The following KIAA1614 variants were observed in gnomAD, a reference collection of about 807,000 sequenced individuals.
The protein encoded by KIAA1614 is KIAA1614, also known as uncharacterized protein KIAA1614.
KIAA1614 carries 76 observed loss-of-function variants against 88.7 expected under a neutral mutation model. The observed-to-expected ratio is 0.86, with a 90% CI of 0.71 to 1.04. The LOEUF (loss-of-function observed/expected upper bound fraction) is 1.04, where lower values mean the gene tolerates loss of function less well. Among genes scored for constraint, KIAA1614 ranks in the 50% least tolerant of loss-of-function variants. The pLI is 0.00. For missense variants in KIAA1614, 1,553 were observed against 1,582.5 expected (o/e 0.98, Z 0.32); for synonymous variants, 714 against 675.5 (o/e 1.06, Z -0.88).
rs1371866539 is a variant in KIAA1614 at position 180,916,195 on chromosome 1, G to A, written c.92G>A (p.Gly31Glu). 1 of 1,598,764 alleles carries A rather than the reference G, an allele frequency of 6.3e-7. No individual in the cohort carries two copies. The highest frequency in any genetic ancestry group is 2.2e-5 in the East Asian group (1 of 44,762). ...TGSGTASPVE[G>E]TSAVEWSGPE... ...AGTGGAACAGCCAGCCCCGTGGAGG[G>A]GACCTCAGCTGTGGAGTGGAGTGGT... The change falls in exon 2 of 9, where the codon GGG becomes GAG. Residue 31 changes from glycine to glutamate, a missense_variant. Coordinates refer to ENST00000367588, the MANE Select transcript of KIAA1614 (RefSeq NM_020950.2).
chr1:180,927,279 C>T (rs564210752), intron 3 of KIAA1614, among the ~76,000 whole-genome samples: 110 of 152,238 alleles, frequency 7.2e-4, no homozygotes, highest in African/African-American at 2.3e-3. Flanking sequence ...GCATATGTGA[C>T]GGCGAGGACA....
At position 180,913,032 on chromosome 1, in the gene KIAA1614, A is replaced by G. The variant is rs867436324; in HGVS notation, c.-212A>G. On this transcript the variant is annotated 5_prime_UTR_variant, in exon 1 of 9. Coordinates refer to ENST00000367588, the MANE Select transcript of KIAA1614 (RefSeq NM_020950.2). The stretch of plus-strand genomic sequence containing the variant: ...CGGCCCGTGGGGCGCTGCGCCGGCC[A>G]GACCCACCCGGGGCCCGGGGGCTGC... 141 of 268,618 alleles carry G rather than the reference A, an allele frequency of 5.2e-4. 1 individual carries two copies. The Middle Eastern group carries it at 7.7e-3, about 15-fold the overall frequency. The allele number at this position is 268,618 out of a possible 1,614,324, so 16.6% of individuals were successfully genotyped here. A position where few individuals can be genotyped will look rare whatever the true frequency, so the allele number is the denominator to read the frequency against.
rs1654702781 is a variant in KIAA1614, at chr1:180,950,272, T to C, written c.*4684T>C. 4 of 1,069,628 alleles carry C rather than the reference T, an allele frequency of 3.7e-6. No individual in the cohort carries two copies. Among genetic ancestry groups the C allele is most frequent in the Non-Finnish European group, 4.7e-6 (4 of 851,682 alleles). 66.3% of individuals were successfully genotyped at this position (1,069,628 alleles called of 1,614,324 possible). A position where few individuals can be genotyped will look rare whatever the true frequency, so the allele number is the denominator to read the frequency against. On this transcript the variant is annotated 3_prime_UTR_variant, in exon 9 of 9. Coordinates refer to ENST00000367588, the MANE Select transcript of KIAA1614 (RefSeq NM_020950.2). ...CACAAACAGCACCTCATCAACATGG[T>C]CAGCATTCCAGAGATGCACTTCTTC...
At chr1:180,942,551 C>T (rs1368288924) in intron 7 of KIAA1614, among the ~76,000 whole-genome samples, 6 of 152,214 alleles carry the variant, frequency 3.9e-5, no homozygotes, top group African/African-American at 1.4e-4. Flanking sequence ...GGCCAGTGCT[C>T]AACAAATATT....
rs376376187 is a variant in KIAA1614, at chr1:180,917,882, G to A, written c.1029G>A (p.Ser343=). 1.1e-4 allele frequency: 184 copies of A among 1,613,762 alleles called. No homozygotes were observed. The highest frequency in any genetic ancestry group is 9.1e-4 in the African/African-American group (68 of 74,856). ...CAGTGGGGGATGTGGACTGGGCCTCGGGCACCTCCTTGCAGGACTCCGGCC... is the reference window on the plus strand; with the variant it reads ...CAGTGGGGGATGTGGACTGGGCCTCAGGCACCTCCTTGCAGGACTCCGGCC... ...ERPVGDVDWA[S]GTSLQDSGQN... is the part of the protein sequence containing the mutation. The change falls in exon 3 of 9, where the codon TCG becomes TCA. Residue 343 remains serine (S), a synonymous_variant. Coordinates refer to ENST00000367588, the MANE Select transcript of KIAA1614 (RefSeq NM_020950.2).
chr1:180,938,833 C>A, intron 6 of KIAA1614, 122 bp downstream of exon 6: 1 of 864,514 alleles, frequency 1.2e-6, no homozygotes, highest in Non-Finnish European at 1.8e-6. Flanking sequence ...TTCAGAGGAT[C>A]CCTAGACTGT....
Position 180,947,459 on chromosome 1 carries a change from T to TGGGGAGA in KIAA1614, c.*1884_*1890dup, listed in dbSNP as rs58460157. Reference sequence around the variant, plus strand: ...CCTGGACTGGGAACGGCTGTGGAGATGGGGAGAGGGGAGAGGGGACAGGGG... The same window carrying TGGGGAGA: ...CCTGGACTGGGAACGGCTGTGGAGATGGGGAGAGGGGAGAGGGGAGAGGGGACAGGGG... On this transcript the variant is annotated 3_prime_UTR_variant, in exon 9 of 9. Coordinates refer to ENST00000367588, the MANE Select transcript of KIAA1614 (RefSeq NM_020950.2). 13,185 of 151,894 alleles carry TGGGGAGA rather than the reference T, an allele frequency of 0.087. 752 individuals carry two copies. Among genetic ancestry groups the TGGGGAGA allele is most frequent in the African/African-American group, 0.15 (6,376 of 41,308 alleles). The allele number at this position is 151,894 out of a possible 1,614,324, so 9.4% of individuals were successfully genotyped here.
Position 180,916,990 on chromosome 1 carries a change from G to C in KIAA1614, c.887G>C (p.Arg296Pro). ...AGSSVLSLSDRVERNRLLLQE... is the reference protein window; with the variant it reads ...AGSSVLSLSDPVERNRLLLQE... ...AGCAGTGTCTTGTCCCTGTCTGATCGGGTGGAGAGAAACCGCCTGTTGCTG... is the reference window on the plus strand; with the variant it reads ...AGCAGTGTCTTGTCCCTGTCTGATCCGGTGGAGAGAAACCGCCTGTTGCTG... The change falls in exon 2 of 9, where the codon CGG becomes CCG. Residue 296 changes from arginine to proline, a missense_variant. By Grantham distance (103) the Arg-to-Pro change is moderately radical (BLOSUM62 -2). Coordinates refer to ENST00000367588, the MANE Select transcript of KIAA1614 (RefSeq NM_020950.2). 6.2e-7 allele frequency: 1 copy of C among 1,614,088 alleles called. No individual in the cohort carries two copies. Among genetic ancestry groups the C allele is most frequent in the Non-Finnish European group, 8.5e-7 (1 of 1,180,028 alleles).
rs547559859 is a variant in KIAA1614 at position 180,937,854 on chromosome 1, G to A, written c.2762-701G>A. Among the ~76,000 whole-genome samples, 11 of 152,288 alleles carry A rather than the reference G, an allele frequency of 7.2e-5. No homozygotes were observed. The East Asian group carries it at 2.1e-3, about 29-fold the overall frequency. On this transcript the variant is annotated intron_variant, in intron 5 of 8. Transcript: ENST00000367588. ...CTGGTGGGCTCTAGGCAGGCTGTGG[G>A]CTTGCCCCTAACCACTTCCTGCAGG... is the stretch of plus-strand genomic sequence containing the variant.
chr1:180,941,234 G>T lies in KIAA1614; in HGVS notation c.3108G>T (p.Pro1036=). ...SYSVEQLQPA[P]PGLTSQSRAP... is the part of the protein sequence containing the mutation. Reference sequence around the variant, plus strand: ...GTGTGGAGCAGTTGCAGCCCGCCCCGCCTGGCCTGACGTCACAGTCCAGGG... The same window carrying T: ...GTGTGGAGCAGTTGCAGCCCGCCCCTCCTGGCCTGACGTCACAGTCCAGGG... The change falls in exon 7 of 9, where the codon CCG becomes CCT. Residue 1036 remains proline (P), a synonymous_variant. Coordinates refer to ENST00000367588, the MANE Select transcript of KIAA1614 (RefSeq NM_020950.2). 1 of 1,613,584 alleles carries T rather than the reference G, an allele frequency of 6.2e-7. No homozygotes were observed. Among genetic ancestry groups the T allele is most frequent in the Non-Finnish European group, 8.5e-7 (1 of 1,179,944 alleles).
rs1654694724 is a variant in KIAA1614 at position 180,949,982 on chromosome 1, A to ACAGCTGCATGCT, written c.*4394_*4395insCAGCTGCATGCT. The ACAGCTGCATGCT allele has an allele frequency of 6.6e-6, 1 of 152,328 alleles. No individual in the cohort carries two copies. Among genetic ancestry groups the ACAGCTGCATGCT allele is most frequent in the Non-Finnish European group, 1.5e-5 (1 of 68,130 alleles). 9.4% of individuals were successfully genotyped at this position (152,328 alleles called of 1,614,324 possible). ...ATTTTTAAAAACTATTTTCCTCCCA[A>ACAGCTGCATGCT]TTCTACAAGAAAAGCTCATCTCAGA... On this transcript the variant is annotated 3_prime_UTR_variant, in exon 9 of 9. Transcript: ENST00000367588.
intron 3 of KIAA1614, among the ~76,000 whole-genome samples, chr1:180,920,872 A>AGAAGGCTCAGTT (rs1653938542): frequency 6.6e-6 from 1 of 152,212 alleles, no homozygotes; most frequent in Non-Finnish European, 1.5e-5. Flanking sequence ...GAGGGGCAAG[A>AGAAGGCTCAGTT]GAAGGCTCAG....
At chr1:180,940,298 C>T (rs1215578737) in intron 6 of KIAA1614, among the ~76,000 whole-genome samples, 2 of 152,164 alleles carry the variant, frequency 1.3e-5, no homozygotes, top group East Asian at 1.9e-4. Flanking sequence ...GTCAGGAGTT[C>T]GAGACCAGCC....
intron 3 of KIAA1614, among the ~76,000 whole-genome samples, chr1:180,922,086 G>A (rs1008610419): frequency 7.9e-5 from 12 of 152,230 alleles, no homozygotes; most frequent in Non-Finnish European, 7.3e-5. Flanking sequence ...CGAGGCCCTC[G>A]GCCTCCTCGG....
chr1:180,941,627 A>G (rs1654467653), intron 7 of KIAA1614, among the ~76,000 whole-genome samples: 1 of 152,202 alleles, frequency 6.6e-6, no homozygotes, highest in African/African-American at 2.4e-5. Flanking sequence ...CTCTGAGCCC[A>G]GGCACAGATC....
rs767316889 is a variant in KIAA1614, at chr1:180,941,187, C to A, written c.3061C>A (p.Leu1021Met). 7 of 1,613,888 alleles carry A rather than the reference C, an allele frequency of 4.3e-6. No homozygotes were observed. In the South Asian group the frequency reaches 7.7e-5, roughly 18 times the overall value. Residue 1021 changes from leucine to methionine, a missense_variant, in exon 7 of 9, where the codon CTG becomes ATG. Leu to Met is a conservative substitution (Grantham distance 15). Transcript: ENST00000367588. ...SALGQSSRPK[L>M]GKSRSYSVEQ... ...CCTGGGCCAGAGTTCCCGGCCCAAG[C>A]TGGGCAAGTCCCGCAGCTACAGTGT...
intron 3 of KIAA1614, among the ~76,000 whole-genome samples, chr1:180,926,268 G>C (rs1654065406): frequency 6.6e-6 from 1 of 152,054 alleles, no homozygotes; most frequent in African/African-American, 2.4e-5. Context: ...CTCAGAGAAA[G>C]ACCACCTTCC....
In KIAA1614 at chr1:180,935,052, G is replaced by A; in HGVS notation, c.1206-63G>A. The A allele has an allele frequency of 5.1e-6, 6 of 1,179,958 alleles. No homozygotes were observed. The highest frequency in any genetic ancestry group is 1.6e-5 in the African/African-American group (1 of 62,370). 73.1% of individuals were successfully genotyped at this position (1,179,958 alleles called of 1,614,324 possible). A position where few individuals can be genotyped will look rare whatever the true frequency, so the allele number is the denominator to read the frequency against. On this transcript the variant is annotated intron_variant, in intron 4 of 8. Transcript: ENST00000367588. This position sits in a 1 kb window ranked among gnomAD's most constrained non-coding sequence, Gnocchi z 6.1. ...AGCCCAGGGTGGAGAGGGTAGGGCC[G>A]ATGCGTGTCCATACCTCCCCAGGTT...
In KIAA1614 at chr1:180,943,545, T is replaced by A. The variant is rs554108480; in HGVS notation, c.3160-844T>A. Among the ~76,000 whole-genome samples the A allele has an allele frequency of 7.9e-4, 85 of 108,182 alleles. 1 individual carries two copies. Among genetic ancestry groups the A allele is most frequent in the Admixed American group, 1.8e-3 (17 of 9,352 alleles). 71.0% of individuals were successfully genotyped at this position (108,182 alleles called of 152,430 possible). ...GTGGGATTGTAGGATTGAATGGTAG[T>A]AGATCTTTTTTTTTTTTTTTTGAGA... is the stretch of plus-strand genomic sequence containing the variant. On this transcript the variant is annotated intron_variant, in intron 7 of 8. Transcript: ENST00000367588.
Sources: allele counts gnomAD v4.1 joint callset (sites outside exome capture counted in the v4.1 genomes callset), GRCh38; gene constraint gnomAD v4.1.1; non-coding constraint Gnocchi (gnomAD v3.1); transcripts MANE v1.5; gene names NCBI Gene and HGNC (gene_info 2026-07-23, HGNC 2026-07-21).